LIMS1: variants seen among roughly 807,000 people sequenced by gnomAD.
LIMS1 encodes LIM and senescent cell antigen-like-containing domain protein 1.
A neutral mutation model predicts 44.1 loss-of-function variants in LIMS1; 18 were observed. The observed-to-expected ratio is 0.41, with a 90% CI of 0.28 to 0.61. The LOEUF (loss-of-function observed/expected upper bound fraction) is 0.61, where lower values mean the gene tolerates loss of function less well. LIMS1 is among the 20% of genes least tolerant of loss of function. The probability of loss-of-function intolerance (pLI) is 0.32; values close to 1 mark genes in which losing one functional copy is unlikely to be tolerated. For missense variants in LIMS1, 201 were observed against 422.0 expected (o/e 0.48, Z 4.59); for synonymous variants, 93 against 149.1 (o/e 0.62, Z 2.74).
At chr2:108,534,670 G>A (rs1208899253) in intron 1 of LIMS1, 76 bp downstream of exon 1, 12 of 863,948 alleles carry the variant, frequency 1.4e-5, no homozygotes, top group Non-Finnish European at 1.5e-5. Flanking sequence ...GGCCGGGCCG[G>A]GCCTGGCGCG....
chr2:108,568,983 C>A (rs1685389563), intron 1 of LIMS1, among the ~76,000 whole-genome samples: 1 of 152,104 alleles, frequency 6.6e-6, no homozygotes, highest in Non-Finnish European at 1.5e-5. Flanking sequence ...CCTCCGCCTC[C>A]CAGGTTCCAG....
chr2:108,642,988 G>A (rs1043420748), intron 1 of LIMS1, among the ~76,000 whole-genome samples: 8 of 152,150 alleles, frequency 5.3e-5, no homozygotes, highest in South Asian at 4.1e-4. Flanking sequence ...TAGATTTGCC[G>A]CAGTAGGTCA....
intron 1 of LIMS1, among the ~76,000 whole-genome samples, chr2:108,635,647 C>T (rs1239897872): frequency 3.3e-5 from 5 of 150,858 alleles, no homozygotes; most frequent in Non-Finnish European, 4.4e-5. Flanking sequence ...TTTCGGTGAA[C>T]TGAGACCGCA....
At chr2:108,668,127 A>G (rs1573600226) in intron 2 of LIMS1, among the ~76,000 whole-genome samples, 2 of 152,186 alleles carry the variant, frequency 1.3e-5, no homozygotes, top group African/African-American at 2.4e-5. Context: ...CAATACATGT[A>G]TACATTGTGT....
rs1357500749 is a variant in LIMS1 at position 108,534,527 on chromosome 2, A to G, written c.-36A>G. 16 of 1,201,314 alleles carry G rather than the reference A, an allele frequency of 1.3e-5. No individual in the cohort carries two copies. In the East Asian group the frequency reaches 5.6e-4, roughly 42 times the overall value. The allele number at this position is 1,201,314 out of a possible 1,614,324, so 74.4% of individuals were successfully genotyped here. On this transcript the variant is annotated 5_prime_UTR_variant, in exon 1 of 10. Coordinates refer to ENST00000544547, the Ensembl canonical transcript of LIMS1. ...GCGGCTGGAGCGGCGCCGGGAGACG[A>G]GGGGCTGAGAGACGGCGGCGGCCGA...
intron 7 of LIMS1, 43 bp downstream of exon 7, chr2:108,676,741 C>G (rs1463751928): frequency 8.8e-7 from 1 of 1,139,266 alleles, no homozygotes; most frequent in South Asian, 1.6e-5. Flanking sequence ...CTTTTATGAA[C>G]CTAAGCTTAT....
chr2:108,547,413 G>A (rs547332394), intron 1 of LIMS1, among the ~76,000 whole-genome samples: 2 of 152,274 alleles, frequency 1.3e-5, no homozygotes, highest in Non-Finnish European at 2.9e-5. Context: ...CAAGAGGGTG[G>A]ACACTCTCTT....
At chr2:108,684,582 T>C (rs1458266997) in exon 10 of LIMS1, 1 of 152,132 alleles carries the variant, frequency 6.6e-6, no homozygotes, top group African/African-American at 2.4e-5. Flanking sequence ...CAATAATTAT[T>C]ATGCTTAGTT....
At position 108,680,724 on chromosome 2, in the gene LIMS1, G is replaced by A. The variant is rs150889011; in HGVS notation, c.853G>A (p.Val285Met). The change falls in exon 9 of 10, where the codon GTG (valine) becomes ATG (methionine). Residue 285 changes from valine (V) to methionine (M), a missense_variant. By Grantham distance (21) the Val-to-Met change is conservative (BLOSUM62 1). Transcript: ENST00000544547. ...CTCTGCTCTTAATAAGGCCTGGTGC[G>A]TGAACTGCTTTGCCTGTTCTACCTG... 0.022 allele frequency: 34,688 copies of A among 1,609,840 alleles called. 456 individuals carry two copies. Among genetic ancestry groups the A allele is most frequent in the Middle Eastern group, 0.031 (139 of 4,424 alleles).
chr2:108,684,600 C>G (rs1373687216), exon 10 of LIMS1: 1 of 151,870 alleles, frequency 6.6e-6, no homozygotes. Flanking sequence ...GTTTTATAAC[C>G]TGCTCTCCTT....
intron 1 of LIMS1, among the ~76,000 whole-genome samples, chr2:108,627,366 A>G (rs1688635407): frequency 6.6e-6 from 1 of 151,564 alleles, no homozygotes. Flanking sequence ...GAATGATAAG[A>G]AGTAAAAAGT....
chr2:108,589,665 T>TAA (rs1341850614), intron 1 of LIMS1, among the ~76,000 whole-genome samples: 2 of 152,214 alleles, frequency 1.3e-5, no homozygotes, highest in Non-Finnish European at 2.9e-5. Flanking sequence ...CTGTTAGCAC[T>TAA]AACTTTTGCT....
chr2:108,645,820 CAAA>C (rs57714697), intron 1 of LIMS1, among the ~76,000 whole-genome samples: 2 of 103,736 alleles, frequency 1.9e-5, no homozygotes, highest in Non-Finnish European at 4.2e-5. Flanking sequence ...AAATGGAAAG[CAAA>C]AAAAAAAAAA....
chr2:108,662,403 C>T (rs1691441122), intron 2 of LIMS1: 1 of 1,542,258 alleles, frequency 6.5e-7, no homozygotes, highest in Non-Finnish European at 8.8e-7. Flanking sequence ...TCCTGCCCAC[C>T]CCTCACACTG....
chr2:108,607,680 T>C (rs1573431501), intron 1 of LIMS1, among the ~76,000 whole-genome samples: 1 of 152,198 alleles, frequency 6.6e-6, no homozygotes, highest in African/African-American at 2.4e-5. Flanking sequence ...ACTAGTCTTA[T>C]AGTTTATATC....
intron 2 of LIMS1, chr2:108,662,649 A>C: frequency 1.0e-6 from 1 of 961,592 alleles, no homozygotes; most frequent in Non-Finnish European, 1.3e-6. Flanking sequence ...AAACTATCCA[A>C]GACTGCTAAC....
chr2:108,614,788 A>G (rs1687842685), intron 1 of LIMS1, among the ~76,000 whole-genome samples: 1 of 152,186 alleles, frequency 6.6e-6, no homozygotes, highest in Admixed American at 6.5e-5. Flanking sequence ...CCTGGTAAAA[A>G]CAATTTTGAA....
chr2:108,576,869 A>G (rs1685689228), intron 1 of LIMS1, among the ~76,000 whole-genome samples: 1 of 152,192 alleles, frequency 6.6e-6, no homozygotes, highest in African/African-American at 2.4e-5. Flanking sequence ...AAAAAGAGGT[A>G]CAGAGCAATC....
intron 1 of LIMS1, among the ~76,000 whole-genome samples, chr2:108,613,040 T>C (rs184899707): frequency 1.8e-4 from 28 of 152,316 alleles, no homozygotes; most frequent in African/African-American, 2.4e-5. Flanking sequence ...CACACTCTTA[T>C]TGGTTGTATT....
Sources: gnomAD v4.1 joint callset for allele counts (sites outside exome capture counted in the v4.1 genomes callset) on GRCh38, gnomAD v4.1.1 for gene constraint, MANE v1.5 for transcripts, NCBI Gene and HGNC (gene_info 2026-07-23, HGNC 2026-07-21) for gene names.